The following SPATA45 variants were observed in gnomAD, a reference collection of about 807,000 sequenced individuals.
The protein encoded by SPATA45 is spermatogenesis associated 45.
Under a neutral mutation model 7.0 loss-of-function variants are expected in SPATA45, and 5 were observed. The ratio of observed to expected loss-of-function variants is 0.71; its 90% CI spans 0.37 to 1.50. The LOEUF is 1.50. Among genes scored for constraint, SPATA45 ranks in the 40% most tolerant of loss-of-function variants. SPATA45 has a pLI of 0.03. For synonymous variants in SPATA45, 40 were observed against 38.7 expected (o/e 1.03, Z -0.13); for missense variants, 111 against 114.9 (o/e 0.97, Z 0.16).
At chr1:212,830,315 T>C (rs1301755922) in intron 2 of SPATA45, 54 bp from the exon 3 acceptor site, 1 of 1,134,452 alleles carries the variant, frequency 8.8e-7, no homozygotes, top group Non-Finnish European at 1.3e-6. Flanking sequence ...ACACATTTCA[T>C]GGTTTTTAAA....
chr1:212,837,954 G>A (rs751652985), intron 1 of SPATA45, among the ~76,000 whole-genome samples: 15 of 151,486 alleles, frequency 9.9e-5, no homozygotes, highest in Non-Finnish European at 1.8e-4. Flanking sequence ...ATAAAAGGAG[G>A]GACAATTGGA....
intron 1 of SPATA45, among the ~76,000 whole-genome samples, chr1:212,839,522 G>A (rs1452158671): frequency 2.0e-5 from 3 of 151,318 alleles, no homozygotes; most frequent in South Asian, 4.2e-4. Flanking sequence ...GGAGGCTGAG[G>A]TGGAAGGATG....
intron 1 of SPATA45, among the ~76,000 whole-genome samples, chr1:212,847,188 G>A (rs1032908614): frequency 1.3e-5 from 2 of 152,164 alleles, no homozygotes; most frequent in African/African-American, 4.8e-5. Flanking sequence ...ACTGTGCCCA[G>A]CCCAGGTTTT....
intron 1 of SPATA45, among the ~76,000 whole-genome samples, chr1:212,839,869 C>T (rs1271376066): frequency 1.3e-5 from 2 of 151,500 alleles, no homozygotes; most frequent in Non-Finnish European, 3.0e-5. Context: ...AATGACCAGT[C>T]AATAAAGCTC....
intron 1 of SPATA45, among the ~76,000 whole-genome samples, chr1:212,840,938 C>A (rs955890237): frequency 2.6e-5 from 4 of 151,528 alleles, no homozygotes; most frequent in African/African-American, 7.3e-5. Flanking sequence ...CTTTTAAATT[C>A]TCTCTCTCTC....
Position 212,838,846 on chromosome 1 carries a change from G to A in SPATA45, c.-38-2659C>T, listed in dbSNP as rs1417040443. Among the ~76,000 whole-genome samples, 8 of 151,388 alleles carry A rather than the reference G, an allele frequency of 5.3e-5. 1 individual carries two copies. In the East Asian group the frequency reaches 5.8e-4, roughly 11 times the overall value. On this transcript the variant is annotated intron_variant, in intron 1 of 2. Transcript: ENST00000332912. ...CCTCCCAAGTAGCTGGGATACAGGC[G>A]CAGGCCACCACACCTGGCTATTTTT...
chr1:212,834,607 C>A (rs1000312387), intron 2 of SPATA45, among the ~76,000 whole-genome samples: 1 of 151,504 alleles, frequency 6.6e-6, no homozygotes, highest in Non-Finnish European at 1.5e-5. Context: ...CGTGCCACCA[C>A]GCCCAGCTAA....
chr1:212,845,923 G>A (rs550788167), intron 1 of SPATA45, among the ~76,000 whole-genome samples: 127 of 152,158 alleles, frequency 8.3e-4, no homozygotes, highest in Non-Finnish European at 1.7e-3. Flanking sequence ...AATCTGGCCT[G>A]GTATATGACA....
chr1:212,842,326 C>T (rs1288944496), intron 1 of SPATA45, among the ~76,000 whole-genome samples: 6 of 151,392 alleles, frequency 4.0e-5, no homozygotes, highest in African/African-American at 7.3e-5. Flanking sequence ...TGCAGTCAGC[C>T]GAGATCACAC....
At chr1:212,840,674 G>A (rs2102512380) in intron 1 of SPATA45, among the ~76,000 whole-genome samples, 1 of 152,178 alleles carries the variant, frequency 6.6e-6, no homozygotes, top group East Asian at 1.9e-4. Flanking sequence ...CTGGAGTGCA[G>A]GGGCGCGATC....
intron 1 of SPATA45, among the ~76,000 whole-genome samples, chr1:212,841,515 A>G (rs1044118965): frequency 2.0e-5 from 3 of 152,008 alleles, no homozygotes; most frequent in Non-Finnish European, 2.9e-5. Flanking sequence ...TTATTTTTAT[A>G]ATAATGCTTT....
chr1:212,832,164 A>G (rs1663501504), intron 2 of SPATA45, among the ~76,000 whole-genome samples: 1 of 149,850 alleles, frequency 6.7e-6, no homozygotes, highest in Admixed American at 6.7e-5. Flanking sequence ...GATTACAGGC[A>G]TGCACCACCA....
intron 2 of SPATA45, among the ~76,000 whole-genome samples, chr1:212,831,529 A>C (rs1002815455): frequency 6.6e-6 from 1 of 151,032 alleles, no homozygotes; most frequent in Non-Finnish European, 1.5e-5. Flanking sequence ...TCAATGACAG[A>C]GGCAAAACTT....
Position 212,841,039 on chromosome 1 carries a change from C to T in SPATA45, c.-38-4852G>A, listed in dbSNP as rs1215613440. Among the ~76,000 whole-genome samples, 3 of 152,218 alleles carry T rather than the reference C, an allele frequency of 2.0e-5. No homozygotes were observed. The East Asian group carries it at 5.8e-4, about 29-fold the overall frequency. ...CACTGCAACCCTGACTCCCTGGTTT[C>T]ATGCGATTCTCCTGCCTCAGCCTCC... is the stretch of plus-strand genomic sequence containing the variant. On this transcript the variant is annotated intron_variant, in intron 1 of 2. Coordinates refer to ENST00000332912, the MANE Select transcript of SPATA45 (RefSeq NM_001024601.3).
At chr1:212,830,609 G>A (rs1460839199) in intron 2 of SPATA45, among the ~76,000 whole-genome samples, 3 of 149,308 alleles carry the variant, frequency 2.0e-5, no homozygotes, top group South Asian at 2.1e-4. Flanking sequence ...GAGGCGGAAC[G>A]TGCAGTGAGC....
rs774090987 is a variant in SPATA45, at chr1:212,836,082, T to G, written c.68A>C (p.Glu23Ala). The part of the protein sequence containing the change: ...KHGVSKQHLL[E>A]EINKKRESNC... ...GGATTCACGCTTTTTGTTTATCTCC[T>G]CCAGGAGATGTTGTTTGCTTACTCC... The change falls in exon 2 of 3, where the codon GAG (glutamate) becomes GCG (alanine). Residue 23 changes from glutamate (E) to alanine (A), a missense_variant. Transcript: ENST00000332912. 1.9e-6 allele frequency: 3 copies of G among 1,608,002 alleles called. 1 individual carries two copies. Among genetic ancestry groups the G allele is most frequent in the South Asian group, 1.1e-5 (1 of 90,698 alleles).
chr1:212,844,607 C>T (rs1022092380), intron 1 of SPATA45, among the ~76,000 whole-genome samples: 1 of 152,148 alleles, frequency 6.6e-6, no homozygotes, highest in Non-Finnish European at 1.5e-5. Context: ...ACATCTATCA[C>T]TGAGGCTACT....
At chr1:212,845,217 C>A (rs1663770594) in intron 1 of SPATA45, among the ~76,000 whole-genome samples, 1 of 152,232 alleles carries the variant, frequency 6.6e-6, no homozygotes, top group African/African-American at 2.4e-5. Flanking sequence ...AAGAAAATCA[C>A]TTCTCAGTGT....
chr1:212,839,401 G>C (rs1213019060), intron 1 of SPATA45, among the ~76,000 whole-genome samples: 1 of 151,200 alleles, frequency 6.6e-6, no homozygotes, highest in Non-Finnish European at 1.5e-5. Context: ...AGGACTGCTT[G>C]AGCTCAGGAG....
Sources: allele counts gnomAD v4.1 joint callset (sites outside exome capture counted in the v4.1 genomes callset), GRCh38; gene constraint gnomAD v4.1.1; transcripts MANE v1.5; gene names NCBI Gene and HGNC (gene_info 2026-07-23, HGNC 2026-07-21).